The following PLPP4 variants were observed in gnomAD, a reference collection of about 807,000 sequenced individuals.
PLPP4 encodes diacylglycerol pyrophosphate like 2.
Under a neutral mutation model 32.2 loss-of-function variants are expected in PLPP4, and 20 were observed. The ratio of observed to expected loss-of-function variants is 0.62; its 90% CI spans 0.44 to 0.90. The LOEUF is 0.90. Among genes scored for constraint, PLPP4 ranks in the 40% least tolerant of loss-of-function variants. The pLI is 0.00. For synonymous variants in PLPP4, 127 were observed against 133.0 expected (o/e 0.95, Z 0.31); for missense variants, 257 against 353.1 (o/e 0.73, Z 2.18).
intron 2 of PLPP4, among the ~76,000 whole-genome samples, chr10:120,513,229 G>A (rs1258513378): frequency 6.6e-6 from 1 of 152,216 alleles, no homozygotes; most frequent in Non-Finnish European, 1.5e-5. Context: ...CAAGCCTGGA[G>A]GAGGCAGTCA....
At chr10:120,514,446 G>A (rs903535376) in intron 3 of PLPP4, among the ~76,000 whole-genome samples, 3 of 152,146 alleles carry the variant, frequency 2.0e-5, no homozygotes, top group African/African-American at 7.2e-5. Context: ...AGGCAAATGC[G>A]GGAGTAAAAT....
At chr10:120,567,997 G>A (rs1190507900) in intron 5 of PLPP4, among the ~76,000 whole-genome samples, 2 of 152,204 alleles carry the variant, frequency 1.3e-5, no homozygotes, top group Non-Finnish European at 2.9e-5. Flanking sequence ...AGAACATGAG[G>A]AAATCTTGGA....
chr10:120,474,795 A>G (rs1222937333), intron 1 of PLPP4, among the ~76,000 whole-genome samples: 2 of 152,186 alleles, frequency 1.3e-5, no homozygotes, highest in African/African-American at 4.8e-5. Context: ...AGTATTTTCT[A>G]TATGCCAGGC....
At chr10:120,518,215 G>A (rs1846010194) in intron 3 of PLPP4, among the ~76,000 whole-genome samples, 1 of 152,200 alleles carries the variant, frequency 6.6e-6, no homozygotes, top group Admixed American at 6.5e-5. Context: ...GTCAAATAAT[G>A]TATCCCAGAA....
intron 5 of PLPP4, among the ~76,000 whole-genome samples, chr10:120,553,021 T>C (rs1393423169): frequency 6.6e-6 from 1 of 152,232 alleles, no homozygotes; most frequent in African/African-American, 2.4e-5. Flanking sequence ...CTGATTCTTC[T>C]GATTCTTTGT....
At chr10:120,471,477 T>C (rs1476620194) in intron 1 of PLPP4, among the ~76,000 whole-genome samples, 1 of 152,018 alleles carries the variant, frequency 6.6e-6, no homozygotes, top group Non-Finnish European at 1.5e-5. Context: ...TGAGCTTTTA[T>C]TATTATAAAA....
intron 5 of PLPP4, among the ~76,000 whole-genome samples, chr10:120,565,560 A>G (rs976771951): frequency 1.4e-4 from 22 of 151,824 alleles, no homozygotes; most frequent in African/African-American, 5.3e-4. Flanking sequence ...GCTCCTTTGT[A>G]GGTATTCTTT....
chr10:120,504,985 C>T (rs1247274432), intron 2 of PLPP4, among the ~76,000 whole-genome samples: 3 of 152,224 alleles, frequency 2.0e-5, no homozygotes, highest in African/African-American at 4.8e-5. Context: ...CTCTCCCACC[C>T]TCAATGCCAC....
chr10:120,475,510 C>G (rs964829425), intron 1 of PLPP4, among the ~76,000 whole-genome samples: 4 of 152,214 alleles, frequency 2.6e-5, no homozygotes, highest in Admixed American at 2.0e-4. Flanking sequence ...AGCTGCTCTT[C>G]ATTACAACAA....
At chr10:120,586,912 A>G (rs1849789049) in intron 6 of PLPP4, among the ~76,000 whole-genome samples, 1 of 152,192 alleles carries the variant, frequency 6.6e-6, no homozygotes, top group African/African-American at 2.4e-5. Context: ...GCTCTGAAAT[A>G]TGAATAGAAA....
At position 120,589,706 on chromosome 10, in the gene PLPP4, C is replaced by T; in HGVS notation, c.*204C>T. The T allele has an allele frequency of 1.8e-6, 1 of 566,990 alleles. No individual in the cohort carries two copies. Among genetic ancestry groups the T allele is most frequent in the Non-Finnish European group, 3.1e-6 (1 of 322,286 alleles). The allele number at this position is 566,990 out of a possible 1,614,324, so 35.1% of individuals were successfully genotyped here. A position where few individuals can be genotyped will look rare whatever the true frequency, so the allele number is the denominator to read the frequency against. On this transcript the variant is annotated 3_prime_UTR_variant, in exon 7 of 7. Transcript: ENST00000398250. ...CCTTGAATTTGCAAGTGAAGGACAA[C>T]AATCTCTGAGAGACGTGTGGAAGAG...
At chr10:120,582,751 TTCCC>T (rs1259598767) in intron 6 of PLPP4, among the ~76,000 whole-genome samples, 2,875 of 97,082 alleles carry the variant, frequency 0.03, 133 homozygotes, top group African/African-American at 0.059. Context: ...ACTGTAAATA[TTCCC>T]TCCCTCCCTC....
chr10:120,471,697 A>G (rs570455877), intron 1 of PLPP4, among the ~76,000 whole-genome samples: 2 of 152,164 alleles, frequency 1.3e-5, no homozygotes, highest in African/African-American at 2.4e-5. Flanking sequence ...TGTCTAGCCA[A>G]TCTCTGCCAT....
intron 1 of PLPP4, among the ~76,000 whole-genome samples, chr10:120,462,169 G>A (rs542374560): frequency 2.0e-5 from 3 of 151,808 alleles, no homozygotes; most frequent in Admixed American, 6.5e-5. Flanking sequence ...GCCTGGAGGT[G>A]TGGAGGCATA....
chr10:120,462,291 C>T (rs1026930623), intron 1 of PLPP4, among the ~76,000 whole-genome samples: 3 of 152,044 alleles, frequency 2.0e-5, no homozygotes, highest in African/African-American at 4.8e-5. Flanking sequence ...GGCCTCAGGG[C>T]CCTGCAGGGC....
At chr10:120,512,371 A>C (rs1845763755) in intron 2 of PLPP4, among the ~76,000 whole-genome samples, 1 of 152,174 alleles carries the variant, frequency 6.6e-6, no homozygotes, top group African/African-American at 2.4e-5. Context: ...TTTGACTTTT[A>C]AACAATCCAA....
At chr10:120,519,229 A>T (rs1669251368) in intron 4 of PLPP4, among the ~76,000 whole-genome samples, 1 of 152,084 alleles carries the variant, frequency 6.6e-6, no homozygotes, top group Non-Finnish European at 1.5e-5. Flanking sequence ...AATAAGTAGG[A>T]TTACTTACCT....
intron 1 of PLPP4, among the ~76,000 whole-genome samples, chr10:120,485,933 C>T (rs893707395): frequency 7.2e-5 from 11 of 152,264 alleles, no homozygotes; most frequent in Admixed American, 2.6e-4. Flanking sequence ...AGTAAGCAGC[C>T]GGTGGGGACA....
chr10:120,532,638 T>C (rs1181088070), intron 5 of PLPP4, among the ~76,000 whole-genome samples: 1 of 152,120 alleles, frequency 6.6e-6, no homozygotes, highest in Non-Finnish European at 1.5e-5. Flanking sequence ...TCCCCACCCT[T>C]CTCTATCCCC....
Sources: gnomAD v4.1 joint callset for allele counts (sites outside exome capture counted in the v4.1 genomes callset) on GRCh38, gnomAD v4.1.1 for gene constraint, MANE v1.5 for transcripts, NCBI Gene and HGNC (gene_info 2026-07-23, HGNC 2026-07-21) for gene names.